The following SENP7 variants were observed in gnomAD, a reference collection of about 807,000 sequenced individuals.
SENP7 encodes the protein SUMO specific peptidase 7, also known as sentrin-specific protease 7.
Under a neutral mutation model 141.2 loss-of-function variants are expected in SENP7, and 64 were observed. The observed-to-expected ratio is 0.45, with a 90% CI of 0.37 to 0.56. The LOEUF (loss-of-function observed/expected upper bound fraction) is 0.56, where lower values mean the gene tolerates loss of function less well. Ranked by LOEUF, SENP7 falls within the 20% of genes least tolerant of loss-of-function variation. The pLI is 0.00. For missense variants in SENP7, 1,025 were observed against 1,212.2 expected (o/e 0.85, Z 2.29); for synonymous variants, 382 against 426.4 (o/e 0.90, Z 1.28).
intron 4 of SENP7, among the ~76,000 whole-genome samples, chr3:101,432,042 G>T (rs2062199643): frequency 6.6e-6 from 1 of 152,084 alleles, no homozygotes; most frequent in Non-Finnish European, 1.5e-5. Flanking sequence ...ACCTGACCTG[G>T]AGCAGAGGGG....
chr3:101,390,654 G>C (rs569812216), intron 6 of SENP7, among the ~76,000 whole-genome samples: 1 of 152,162 alleles, frequency 6.6e-6, no homozygotes, highest in Non-Finnish European at 1.5e-5. Context: ...AAAAATAATG[G>C]GGGATTTCAA....
chr3:101,432,463 T>C (rs1467669269), intron 4 of SENP7, among the ~76,000 whole-genome samples: 3 of 151,914 alleles, frequency 2.0e-5, no homozygotes, highest in Non-Finnish European at 2.9e-5. Flanking sequence ...AGCCAGGGAG[T>C]AGTGACAGCA....
chr3:101,484,201 A>G (rs2064627442), intron 3 of SENP7, among the ~76,000 whole-genome samples: 1 of 152,232 alleles, frequency 6.6e-6, no homozygotes, highest in African/African-American at 2.4e-5. Context: ...GCTGGGCTTC[A>G]TTAAAATTAA....
At chr3:101,443,891 C>G (rs1358629576) in intron 4 of SENP7, among the ~76,000 whole-genome samples, 1 of 151,324 alleles carries the variant, frequency 6.6e-6, no homozygotes, top group Non-Finnish European at 1.5e-5. Flanking sequence ...CGTCTGCAAA[C>G]AGGAGCAATT....
chr3:101,328,609 C>T (rs1284411341), intron 21 of SENP7, 37 bp downstream of exon 21: 1 of 1,602,514 alleles, frequency 6.2e-7, no homozygotes, highest in Non-Finnish European at 8.5e-7. Context: ...ATCTAAATAC[C>T]TCAAAAAACT....
At chr3:101,341,537 T>A in intron 15 of SENP7, 109 bp downstream of exon 15, 1 of 1,012,328 alleles carries the variant, frequency 9.9e-7, no homozygotes, top group South Asian at 3.8e-5. Context: ...ACTATCAGCA[T>A]GAAAGTAAAA....
chr3:101,466,849 C>T (rs2063773948), intron 3 of SENP7, among the ~76,000 whole-genome samples: 1 of 152,182 alleles, frequency 6.6e-6, no homozygotes, highest in Admixed American at 6.5e-5. Context: ...GTAGGTGCAG[C>T]TCACAGAGGG....
chr3:101,508,902 T>C (rs1057095295), intron 1 of SENP7, among the ~76,000 whole-genome samples: 12 of 152,190 alleles, frequency 7.9e-5, no homozygotes, highest in African/African-American at 2.9e-4. Flanking sequence ...TCATCCCTAA[T>C]TGACCTATCT....
chr3:101,488,237 G>T (rs2064812075), intron 3 of SENP7, among the ~76,000 whole-genome samples: 1 of 151,952 alleles, frequency 6.6e-6, no homozygotes, highest in Non-Finnish European at 1.5e-5. Context: ...ATGGGATTGT[G>T]TTCTTGATTT....
intron 3 of SENP7, among the ~76,000 whole-genome samples, chr3:101,471,269 A>C (rs1376226176): frequency 1.3e-5 from 2 of 152,322 alleles, no homozygotes; most frequent in East Asian, 1.9e-4. Context: ...AGGCTACAGT[A>C]ACCAAAACAG....
At chr3:101,354,235 A>G (rs1034821079) in intron 11 of SENP7, among the ~76,000 whole-genome samples, 2 of 152,068 alleles carry the variant, frequency 1.3e-5, no homozygotes, top group African/African-American at 4.8e-5. Flanking sequence ...TAATTATATG[A>G]AATGTTCCAG....
At chr3:101,432,830 A>C (rs1334392363) in intron 4 of SENP7, among the ~76,000 whole-genome samples, 4 of 152,212 alleles carry the variant, frequency 2.6e-5, no homozygotes, top group Non-Finnish European at 5.9e-5. Flanking sequence ...GATAGAGAAG[A>C]CTACAATAAA....
At chr3:101,457,513 G>C in intron 4 of SENP7, 1 of 1,609,340 alleles carries the variant, frequency 6.2e-7, no homozygotes, top group Non-Finnish European at 8.5e-7. Flanking sequence ...TTGTTAAAGT[G>C]GATCACTGTT....
intron 14 of SENP7, among the ~76,000 whole-genome samples, chr3:101,342,675 C>CT (rs556843924): frequency 1.2e-3 from 167 of 142,964 alleles, no homozygotes; most frequent in Middle Eastern, 3.6e-3. Flanking sequence ...ACCTTAGTAC[C>CT]TTTTTTTTTT....
chr3:101,446,494 C>T (rs2062901413), intron 4 of SENP7, among the ~76,000 whole-genome samples: 1 of 152,152 alleles, frequency 6.6e-6, no homozygotes, highest in African/African-American at 2.4e-5. Context: ...GAAACATTCT[C>T]CAGGGCAGAT....
At chr3:101,484,695 C>G (rs941446592) in intron 3 of SENP7, among the ~76,000 whole-genome samples, 1 of 152,130 alleles carries the variant, frequency 6.6e-6, no homozygotes, top group Non-Finnish European at 1.5e-5. Context: ...AGGTGAAATA[C>G]AGGGGTAGAG....
intron 4 of SENP7, among the ~76,000 whole-genome samples, chr3:101,435,775 A>T: frequency 6.6e-6 from 1 of 152,040 alleles, no homozygotes; most frequent in South Asian, 2.1e-4. Context: ...GAAATATGAG[A>T]ACACTAAAAA....
intron 4 of SENP7, among the ~76,000 whole-genome samples, chr3:101,426,062 T>C (rs759628995): frequency 6.6e-6 from 1 of 152,172 alleles, no homozygotes; most frequent in Non-Finnish European, 1.5e-5. Context: ...GATGGAGAGA[T>C]GGTAACCAAC....
chr3:101,474,435 T>C (rs2064133639), intron 3 of SENP7, among the ~76,000 whole-genome samples: 1 of 152,210 alleles, frequency 6.6e-6, no homozygotes, highest in Admixed American at 6.5e-5. Context: ...TTTATTCTTT[T>C]TGTGGCAGTT....
Sources: gnomAD v4.1 joint callset for allele counts (sites outside exome capture counted in the v4.1 genomes callset) on GRCh38, gnomAD v4.1.1 for gene constraint, MANE v1.5 for transcripts, NCBI Gene and HGNC (gene_info 2026-07-23, HGNC 2026-07-21) for gene names.